Variants in UGT2A1 observed in about 807,000 individuals in gnomAD.
The protein encoded by UGT2A1 is UDP glucuronosyltransferase family 2 member A1 complex locus, also known as UDP-glucuronosyltransferase 2A1.
In UGT2A1, 61 loss-of-function variants were observed where a neutral mutation model predicts 45.4. The observed-to-expected ratio is 1.34, with a 90% confidence interval of 1.09 to 1.66. The LOEUF (loss-of-function observed/expected upper bound fraction) is 1.66, where lower values mean the gene tolerates loss of function less well. Among genes scored for constraint, UGT2A1 ranks in the 40% most tolerant of loss-of-function variants. UGT2A1 has a pLI of 0.00. For synonymous variants in UGT2A1, 229 were observed against 196.2 expected (o/e 1.17, Z -1.40); for missense variants, 649 against 574.3 (o/e 1.13, Z -1.33).
chr4:69,642,174 C>G (rs188124491), intron 2 of UGT2A1, among the ~76,000 whole-genome samples: 20 of 151,828 alleles, frequency 1.3e-4, no homozygotes, highest in African/African-American at 4.8e-4. Context: ...ATTGTAACTT[C>G]CATTTCCTTT....
chr4:69,607,186 A>AACCAAAACAGCATGGTACTGGT (rs1553904399), intron 3 of UGT2A1, among the ~76,000 whole-genome samples: 73 of 135,028 alleles, frequency 5.4e-4, no homozygotes, highest in African/African-American at 1.8e-3. Context: ...AGGCTACAGT[A>AACCAAAACAGCATGGTACTGGT]ACCAAAACAG....
intron 4 of UGT2A1, among the ~76,000 whole-genome samples, chr4:69,597,945 G>A (rs1432314): frequency 0.19 from 29,584 of 151,928 alleles, 3,497 homozygotes; most frequent in East Asian, 0.55. Flanking sequence ...GTCTGCTATT[G>A]TAAAACATGG....
intron 6 of UGT2A1, 135 bp from the exon 7 acceptor site, chr4:69,589,786 T>G: frequency 4.6e-6 from 6 of 1,308,576 alleles, no homozygotes; most frequent in Admixed American, 2.8e-5. Flanking sequence ...TTGCATGAAC[T>G]TTGTTAGTTG....
At chr4:69,620,267 T>C (rs1311757487) in intron 3 of UGT2A1, among the ~76,000 whole-genome samples, 3 of 147,780 alleles carry the variant, frequency 2.0e-5, no homozygotes, top group African/African-American at 7.6e-5. Context: ...CCTGCACTAA[T>C]AAAAAACTAC....
intron 3 of UGT2A1, among the ~76,000 whole-genome samples, chr4:69,618,221 T>TGTGTG (rs1720530663): frequency 6.9e-6 from 1 of 144,734 alleles, no homozygotes; most frequent in African/African-American, 2.6e-5. Context: ...GTGTGTATGT[T>TGTGTG]TGTGTGTGTG....
At chr4:69,595,070 T>A in intron 5 of UGT2A1, 92 bp downstream of exon 5, 1 of 1,459,958 alleles carries the variant, frequency 6.8e-7, no homozygotes. Flanking sequence ...CATTTTAAAT[T>A]ATTAAAAATG....
Position 69,599,237 on chromosome 4 carries a change from T to C in UGT2A1, c.996+9A>G, listed in dbSNP as rs1187279165. ...AAGAGCATAAAATCCTCCACTGTTG[T>C]AGACCTACCTTAGGTAAAGGTTTGG... is the stretch of plus-strand genomic sequence containing the variant. On this transcript the variant is annotated intron_variant, in intron 4 of 6. Transcript: ENST00000286604. 4 of 1,612,138 alleles carry C rather than the reference T, an allele frequency of 2.5e-6. No homozygotes were observed. The Admixed American group carries it at 5.1e-5, about 20-fold the overall frequency.
In UGT2A1 at chr4:69,605,278, C is replaced by T. The variant is rs1335059277; in HGVS notation, c.848-5884G>A. 7.3e-5 allele frequency among the ~76,000 whole-genome samples: 10 copies of T among 136,608 alleles called. 1 individual carries two copies. The highest frequency in any genetic ancestry group is 6.5e-4 in the Admixed American group (9 of 13,848). 89.6% of individuals were successfully genotyped at this position (136,608 alleles called of 152,430 possible). On this transcript the variant is annotated intron_variant, in intron 3 of 6. Transcript: ENST00000286604. ...CAGGATTAAGAAATTCACTCAAAAC[C>T]GCTCAACTACATGGAAACTGAACAA...
At chr4:69,602,825 T>C (rs967707447) in intron 3 of UGT2A1, among the ~76,000 whole-genome samples, 2 of 136,558 alleles carry the variant, frequency 1.5e-5, no homozygotes, top group Admixed American at 1.4e-4. Context: ...AAAATCAATT[T>C]ATAGATTAAT....
intron 6 of UGT2A1, among the ~76,000 whole-genome samples, chr4:69,593,313 GA>G (rs4148320): frequency 0.22 from 32,852 of 151,516 alleles, 3,677 homozygotes; most frequent in Middle Eastern, 0.31. Flanking sequence ...GTAAATGTGA[GA>G]AAAAAATGAC....
intron 6 of UGT2A1, among the ~76,000 whole-genome samples, chr4:69,593,712 C>T (rs574092002): frequency 6.6e-6 from 1 of 151,664 alleles, no homozygotes; most frequent in South Asian, 2.1e-4. Context: ...ATCCACTACC[C>T]TATATCTTTT....
intron 3 of UGT2A1, among the ~76,000 whole-genome samples, chr4:69,617,002 G>A (rs1720444878): frequency 6.6e-6 from 1 of 151,802 alleles, no homozygotes; most frequent in Non-Finnish European, 1.5e-5. Context: ...GTAGGTGAAT[G>A]AGAAATATGT....
At chr4:69,593,899 G>T (rs1718732627) in intron 6 of UGT2A1, among the ~76,000 whole-genome samples, 1 of 146,592 alleles carries the variant, frequency 6.8e-6, no homozygotes, top group African/African-American at 2.5e-5. Flanking sequence ...AGATTATCCA[G>T]AAAAAATGAG....
chr4:69,602,070 C>A (rs1719327301), intron 3 of UGT2A1, among the ~76,000 whole-genome samples: 2 of 136,474 alleles, frequency 1.5e-5, no homozygotes, highest in African/African-American at 3.0e-5. Flanking sequence ...AAATGATTAT[C>A]TGACTAAATC....
chr4:69,597,890 A>G (rs1325777043), intron 4 of UGT2A1, among the ~76,000 whole-genome samples: 2 of 152,138 alleles, frequency 1.3e-5, no homozygotes, highest in Admixed American at 6.6e-5. Flanking sequence ...TATTTCCCAA[A>G]GCCTATATCG....
rs185654552 is a variant in UGT2A1 at position 69,652,321 on chromosome 4, T to C, written c.-55+867A>G. Among the ~76,000 whole-genome samples the C allele has an allele frequency of 2.7e-5, 4 of 150,820 alleles. No homozygotes were observed. The East Asian group carries it at 7.8e-4, about 29-fold the overall frequency. ...TTTTTGAGACCAAGTTTTGCTCTTG[T>C]TGTCCAAGCTGGAGTGCAAGGGCAT... On this transcript the variant is annotated intron_variant, in intron 1 of 6. Transcript: ENST00000286604.
intron 3 of UGT2A1, among the ~76,000 whole-genome samples, chr4:69,609,465 G>A (rs1719899975): frequency 6.6e-6 from 1 of 151,916 alleles, no homozygotes; most frequent in African/African-American, 2.4e-5. Flanking sequence ...TAAAGAGCTG[G>A]GATTACAGGT....
chr4:69,633,806 T>A (rs1721517989), intron 3 of UGT2A1, among the ~76,000 whole-genome samples: 1 of 152,188 alleles, frequency 6.6e-6, no homozygotes, highest in South Asian at 2.1e-4. Flanking sequence ...TTGTGGGGAC[T>A]GATAAGCGGA....
intron 3 of UGT2A1, among the ~76,000 whole-genome samples, chr4:69,623,191 A>G (rs1334653054): frequency 1.3e-5 from 2 of 151,824 alleles, no homozygotes; most frequent in African/African-American, 4.8e-5. Context: ...ATGACAATTC[A>G]TCAAAAATGA....
Sources: gnomAD v4.1 joint callset for allele counts (sites outside exome capture counted in the v4.1 genomes callset) on GRCh38, gnomAD v4.1.1 for gene constraint, MANE v1.5 for transcripts, NCBI Gene and HGNC (gene_info 2026-07-23, HGNC 2026-07-21) for gene names.